SHISA9: variants seen among roughly 807,000 people sequenced by gnomAD.
SHISA9 encodes the protein shisa family member 9, also known as protein shisa-9.
A neutral mutation model predicts 38.0 loss-of-function variants in SHISA9; 13 were observed. The ratio of observed to expected loss-of-function variants is 0.34; its 90% CI spans 0.22 to 0.54. SHISA9 has a LOEUF of 0.54. Among genes scored for constraint, SHISA9 ranks in the 20% least tolerant of loss-of-function variants. The pLI is 0.91. For synonymous variants in SHISA9, 275 were observed against 242.0 expected, an observed-to-expected ratio of 1.14 and a Z score of -1.27; for missense variants, 538 against 575.8, an observed-to-expected ratio of 0.93 and a Z score of 0.67.
chr16:13,501,683 G>A, the SHISA9 span, among the ~76,000 whole-genome samples: 1 of 152,084 alleles, frequency 6.6e-6, no homozygotes, highest in African/African-American at 2.4e-5. Context: ...AATGGTGCCC[G>A]GCACATAAAA....
At chr16:13,504,562 C>A in the SHISA9 span, among the ~76,000 whole-genome samples, 1 of 152,074 alleles carries the variant, frequency 6.6e-6, no homozygotes, top group Non-Finnish European at 1.5e-5. Context: ...ATTAAGGTGA[C>A]AAGATTATGG....
At chr16:13,457,947 T>TCCTTCCTTCCTTCCTTTCTTCCTC in the SHISA9 span, among the ~76,000 whole-genome samples, 6 of 151,284 alleles carry the variant, frequency 4.0e-5, no homozygotes, top group East Asian at 1.9e-4. Context: ...CTTCCTTGCT[T>TCCTTCCTTCCTTCCTTTCTTCCTC]CCTTCCTTCC....
intron 4 of SHISA9, among the ~76,000 whole-genome samples, 182 bp from the exon 5 acceptor site, chr16:13,234,848 C>T (rs1435774217): frequency 6.6e-6 from 1 of 151,916 alleles, no homozygotes; most frequent in East Asian, 1.9e-4. Context: ...GTGAAAAGGG[C>T]ATGGTGCTGC....
chr16:13,530,672 G>GC, the SHISA9 span, among the ~76,000 whole-genome samples: 12 of 151,662 alleles, frequency 7.9e-5, no homozygotes, highest in South Asian at 2.1e-4. Context: ...CCTTGTTTTT[G>GC]CCCCCCCAGA....
chr16:12,956,816 T>G (rs543490158), intron 2 of SHISA9, among the ~76,000 whole-genome samples: 1 of 152,226 alleles, frequency 6.6e-6, no homozygotes, highest in Admixed American at 6.5e-5. Context: ...AAGCCCAATC[T>G]CCACCATTAC....
At chr16:13,265,473 C>G in the SHISA9 span, among the ~76,000 whole-genome samples, 1 of 130,002 alleles carries the variant, frequency 7.7e-6, no homozygotes, top group Non-Finnish European at 1.6e-5. Flanking sequence ...TCTTTCCTTC[C>G]CTTCCTTTCC....
the SHISA9 span, among the ~76,000 whole-genome samples, chr16:13,528,353 T>C: frequency 6.6e-6 from 1 of 152,074 alleles, no homozygotes; most frequent in Non-Finnish European, 1.5e-5. Context: ...TTAAGATGTT[T>C]TATTTTAAAA....
the SHISA9 span, among the ~76,000 whole-genome samples, chr16:13,522,320 A>T: frequency 1.3e-5 from 2 of 152,210 alleles, no homozygotes; most frequent in Non-Finnish European, 2.9e-5. Context: ...CCTTTGGCAT[A>T]TTTCTGAGTT....
intron 4 of SHISA9, among the ~76,000 whole-genome samples, chr16:13,218,543 T>C (rs2051192762): frequency 6.6e-6 from 1 of 152,152 alleles, no homozygotes; most frequent in Non-Finnish European, 1.5e-5. Flanking sequence ...TTGGGTTTGG[T>C]TTCTTGCTCT....
chr16:13,353,326 G>A, the SHISA9 span, among the ~76,000 whole-genome samples: 17 of 152,162 alleles, frequency 1.1e-4, no homozygotes, highest in African/African-American at 4.1e-4. Flanking sequence ...AGGTATAAAA[G>A]GTCTAAGAAT....
intron 4 of SHISA9, among the ~76,000 whole-genome samples, 176 bp from the exon 5 acceptor site, chr16:13,234,854 G>A (rs571701511): frequency 3.8e-4 from 58 of 152,070 alleles, no homozygotes; most frequent in Admixed American, 1.4e-3. Context: ...AGGGCATGGT[G>A]CTGCCCTTCC....
chr16:13,406,114 C>T, the SHISA9 span, among the ~76,000 whole-genome samples: 1 of 152,172 alleles, frequency 6.6e-6, no homozygotes, highest in African/African-American at 2.4e-5. Flanking sequence ...GTCTTTTTAA[C>T]AGCTGCCCAG....
chr16:13,347,648 A>T, the SHISA9 span, among the ~76,000 whole-genome samples: 6 of 152,182 alleles, frequency 3.9e-5, no homozygotes, highest in African/African-American at 1.4e-4. Flanking sequence ...TCCATAAATG[A>T]TGTAATTTAG....
At chr16:13,021,607 G>A (rs1414837279) in intron 2 of SHISA9, among the ~76,000 whole-genome samples, 2 of 152,178 alleles carry the variant, frequency 1.3e-5, no homozygotes, top group East Asian at 3.8e-4. Context: ...GCCGGGAGCA[G>A]GATGAAGAAG....
At chr16:13,214,515 C>G (rs1036211610) in intron 4 of SHISA9, among the ~76,000 whole-genome samples, 1 of 152,230 alleles carries the variant, frequency 6.6e-6, no homozygotes, top group South Asian at 2.1e-4. Context: ...CAGTAGAACT[C>G]TTTAATGAGC....
chr16:13,299,837 C>T, the SHISA9 span, among the ~76,000 whole-genome samples: 1 of 152,174 alleles, frequency 6.6e-6, no homozygotes, highest in African/African-American at 2.4e-5. Context: ...GCTACGTGTG[C>T]ATGGGCACCT....
the SHISA9 span, among the ~76,000 whole-genome samples, chr16:13,295,232 T>G: frequency 6.6e-6 from 1 of 152,152 alleles, no homozygotes; most frequent in African/African-American, 2.4e-5. Flanking sequence ...AAACACAAAT[T>G]ATTTTGTAGA....
chr16:13,146,964 A>T (rs1414959713), intron 2 of SHISA9, among the ~76,000 whole-genome samples: 2 of 152,226 alleles, frequency 1.3e-5, no homozygotes, highest in Non-Finnish European at 2.9e-5. Flanking sequence ...TCTAGAGCCT[A>T]AATGATCCAC....
chr16:13,367,055 C>A, the SHISA9 span, among the ~76,000 whole-genome samples: 1 of 151,566 alleles, frequency 6.6e-6, no homozygotes, highest in African/African-American at 2.4e-5. Context: ...ACAATTCCTG[C>A]CCTTCCTCAA....
Sources: allele counts gnomAD v4.1 joint callset (sites outside exome capture counted in the v4.1 genomes callset), GRCh38; gene constraint gnomAD v4.1.1; transcripts MANE v1.5; gene names NCBI Gene and HGNC (gene_info 2026-07-23, HGNC 2026-07-21).